Variants in APBB1IP observed in about 807,000 individuals in gnomAD.
The protein encoded by APBB1IP is amyloid beta precursor protein binding family B member 1 interacting protein.
A neutral mutation model predicts 64.9 loss-of-function variants in APBB1IP; 27 were observed. That is an observed-to-expected ratio of 0.42 (90% CI 0.31 to 0.57). The LOEUF is 0.57. Ranked by LOEUF, APBB1IP falls within the 20% of genes least tolerant of loss-of-function variation. The pLI, the probability that APBB1IP is intolerant of heterozygous loss-of-function variation, is 0.20. For synonymous variants in APBB1IP, 392 were observed against 331.0 expected (o/e 1.18, Z -2.00); for missense variants, 812 against 845.5 (o/e 0.96, Z 0.49).
At chr10:26,481,030 A>G (rs1448689213) in intron 2 of APBB1IP, among the ~76,000 whole-genome samples, 1 of 152,178 alleles carries the variant, frequency 6.6e-6, no homozygotes, top group Non-Finnish European at 1.5e-5. Flanking sequence ...TCCTAAATAC[A>G]AAAGCAGTTC....
chr10:26,547,158 C>T (rs558097533), intron 11 of APBB1IP, among the ~76,000 whole-genome samples: 58 of 152,264 alleles, frequency 3.8e-4, no homozygotes, highest in Non-Finnish European at 6.3e-4. Flanking sequence ...TGATGTTAAG[C>T]ATTTTTTAAA....
At chr10:26,553,149 G>A (rs1405173011) in intron 11 of APBB1IP, among the ~76,000 whole-genome samples, 1 of 152,028 alleles carries the variant, frequency 6.6e-6, no homozygotes, top group Non-Finnish European at 1.5e-5. Flanking sequence ...AGCCTCCTGA[G>A]TAGCTGGGAT....
At chr10:26,519,070 T>G in intron 8 of APBB1IP, among the ~76,000 whole-genome samples, 2 of 148,916 alleles carry the variant, frequency 1.3e-5, no homozygotes, top group Admixed American at 6.7e-5. Flanking sequence ...AGATCAGGAG[T>G]TCGAGACCAG....
intron 11 of APBB1IP, among the ~76,000 whole-genome samples, chr10:26,559,410 A>C (rs1836937722): frequency 6.6e-6 from 1 of 151,838 alleles, no homozygotes; most frequent in South Asian, 2.1e-4. Context: ...CCAAAAAAAA[A>C]AACAACGTTT....
intron 10 of APBB1IP, among the ~76,000 whole-genome samples, chr10:26,537,243 G>A (rs1192343771): frequency 6.6e-6 from 1 of 152,038 alleles, no homozygotes; most frequent in African/African-American, 2.4e-5. Context: ...TCCAAATGCA[G>A]GGCACCACCA....
chr10:26,439,744 G>A (rs1020856103), intron 2 of APBB1IP, among the ~76,000 whole-genome samples: 2 of 152,186 alleles, frequency 1.3e-5, no homozygotes, highest in Admixed American at 6.5e-5. Context: ...AAAGAAAAGG[G>A]CCCGTGAGTT....
chr10:26,551,951 ATG>A, intron 11 of APBB1IP, among the ~76,000 whole-genome samples: 1 of 151,974 alleles, frequency 6.6e-6, no homozygotes, highest in Admixed American at 6.5e-5. Context: ...GGATGGATGG[ATG>A]GATGGATGGA....
chr10:26,486,855 C>G (rs1835898775), intron 2 of APBB1IP, among the ~76,000 whole-genome samples: 1 of 152,102 alleles, frequency 6.6e-6, no homozygotes. Flanking sequence ...AAATATTAAG[C>G]ATTAGGGAAA....
intron 2 of APBB1IP, among the ~76,000 whole-genome samples, chr10:26,474,569 C>T (rs577218030): frequency 6.6e-6 from 1 of 152,316 alleles, no homozygotes; most frequent in African/African-American, 2.4e-5. Flanking sequence ...CAACAATGTA[C>T]ACATACTTCA....
chr10:26,465,856 G>T (rs1226409449), intron 2 of APBB1IP, among the ~76,000 whole-genome samples: 6 of 152,232 alleles, frequency 3.9e-5, no homozygotes, highest in African/African-American at 1.4e-4. Flanking sequence ...TATATTGCCA[G>T]ATGCAGGTGC....
chr10:26,497,910 A>G (rs1307784121), intron 4 of APBB1IP, among the ~76,000 whole-genome samples: 5 of 151,846 alleles, frequency 3.3e-5, no homozygotes, highest in Admixed American at 2.6e-4. Flanking sequence ...TATTTTTAGT[A>G]GAGACGGGGT....
chr10:26,561,064 C>CTTTTTTTTTTTTTTTTTTTTTT (rs764573338), intron 13 of APBB1IP, among the ~76,000 whole-genome samples: 23 of 69,220 alleles, frequency 3.3e-4, no homozygotes, highest in Admixed American at 4.6e-4. Context: ...TTCTTTCTTT[C>CTTTTTTTTTTTTTTTTTTTTTT]TTTTTTTTTT....
intron 7 of APBB1IP, among the ~76,000 whole-genome samples, chr10:26,512,233 C>T (rs1836270702): frequency 6.6e-6 from 1 of 152,192 alleles, no homozygotes; most frequent in South Asian, 2.1e-4. Context: ...TGGATTCTAG[C>T]AGGTGGTGGC....
intron 2 of APBB1IP, among the ~76,000 whole-genome samples, chr10:26,453,824 G>A (rs1031374253): frequency 1.3e-5 from 2 of 152,146 alleles, no homozygotes; most frequent in African/African-American, 4.8e-5. Flanking sequence ...CTTGAAAAAC[G>A]ATAAATAGAT....
rs973992294 is a variant in APBB1IP, at chr10:26,454,158, A to C, written c.-1+15305A>C. Among the ~76,000 whole-genome samples the C allele has an allele frequency of 8.5e-5, 13 of 152,246 alleles. 1 individual carries two copies. Among genetic ancestry groups the C allele is most frequent in the African/African-American group, 3.1e-4 (13 of 41,464 alleles). Reference sequence around the variant, plus strand: ...ATTTATGGGATCTAAAAATAGAAACAGGCCCAGTGCAGTGGCTCACGCCTG... The same window carrying C: ...ATTTATGGGATCTAAAAATAGAAACCGGCCCAGTGCAGTGGCTCACGCCTG... On this transcript the variant is annotated intron_variant, in intron 2 of 14. Transcript: ENST00000376236.
At chr10:26,556,026 C>T (rs1348516410) in intron 11 of APBB1IP, among the ~76,000 whole-genome samples, 1 of 152,202 alleles carries the variant, frequency 6.6e-6, no homozygotes, top group Non-Finnish European at 1.5e-5. Flanking sequence ...CCCTCTCTCA[C>T]CCTGTTTTCT....
intron 6 of APBB1IP, among the ~76,000 whole-genome samples, chr10:26,507,512 T>C (rs958211692): frequency 6.6e-6 from 1 of 152,000 alleles, no homozygotes; most frequent in African/African-American, 2.4e-5. Context: ...TAAATAAATA[T>C]GGGTCATACT....
At chr10:26,445,096 A>AT in intron 2 of APBB1IP, among the ~76,000 whole-genome samples, 1 of 141,800 alleles carries the variant, frequency 7.1e-6, no homozygotes, top group Non-Finnish European at 1.5e-5. Context: ...GATTCTGTCA[A>AT]AAAAAAAAAA....
intron 2 of APBB1IP, among the ~76,000 whole-genome samples, chr10:26,449,831 G>A (rs1589189549): frequency 6.6e-6 from 1 of 152,068 alleles, no homozygotes; most frequent in East Asian, 1.9e-4. Flanking sequence ...GCAATACAAT[G>A]AGACCCTGTC....
Sources: allele counts gnomAD v4.1 joint callset (sites outside exome capture counted in the v4.1 genomes callset), GRCh38; gene constraint gnomAD v4.1.1; transcripts MANE v1.5; gene names NCBI Gene and HGNC (gene_info 2026-07-23, HGNC 2026-07-21).